The following VPS8 variants were observed in gnomAD, a reference collection of about 807,000 sequenced individuals.
VPS8 encodes the protein vacuolar protein sorting-associated protein 8 homolog.
In VPS8, 129 loss-of-function variants were observed where a neutral mutation model predicts 216.4. The ratio of observed to expected loss-of-function variants is 0.60; its 90% confidence interval spans 0.52 to 0.69. VPS8 has a LOEUF of 0.69. VPS8 is among the 30% of genes least tolerant of loss of function. VPS8 has a pLI of 0.00. For synonymous variants in VPS8, 571 were observed against 565.4 expected, an observed-to-expected ratio of 1.01 and a Z score of -0.14; for missense variants, 1,531 against 1,683.5, an observed-to-expected ratio of 0.91 and a Z score of 1.59.
At chr3:185,022,575 A>G (rs1561161626) in intron 45 of VPS8, among the ~76,000 whole-genome samples, 1 of 152,148 alleles carries the variant, frequency 6.6e-6, no homozygotes, top group Non-Finnish European at 1.5e-5. Context: ...TGTCAAGCTT[A>G]TTGGCATAAA....
At chr3:184,962,911 A>G (rs1746775032) in intron 37 of VPS8, among the ~76,000 whole-genome samples, 2 of 152,094 alleles carry the variant, frequency 1.3e-5, no homozygotes, top group Admixed American at 1.3e-4. Context: ...TATCTTCCAC[A>G]TGATGGCCAG....
rs977108033 is a variant in VPS8, at chr3:184,947,116, C to T, written c.3035+6873C>T. Among the ~76,000 whole-genome samples, 6 of 152,282 alleles carry T rather than the reference C, an allele frequency of 3.9e-5. No individual in the cohort carries two copies. In the East Asian group the frequency reaches 1.2e-3, roughly 29 times the overall value. ...GTGTGGAGAGATAGTAAAATCTGTTCCCAGATTCCGCTGGTACCTGCTGGT... is the reference window on the plus strand; with the variant it reads ...GTGTGGAGAGATAGTAAAATCTGTTTCCAGATTCCGCTGGTACCTGCTGGT... On this transcript the variant is annotated intron_variant, in intron 36 of 47. Coordinates refer to ENST00000625842, the MANE Select transcript of VPS8 (RefSeq NM_001009921.3).
intron 29 of VPS8, among the ~76,000 whole-genome samples, chr3:184,924,032 G>A (rs879370705): frequency 1.1e-4 from 16 of 152,148 alleles, no homozygotes; most frequent in Non-Finnish European, 2.2e-4. Context: ...GACACTTATA[G>A]CATCTTACAC....
Position 185,052,016 on chromosome 3 carries a change from T to G in VPS8, c.4278T>G (p.Thr1426=). 6.2e-7 allele frequency: 1 copy of G among 1,611,784 alleles called. No homozygotes were observed. Among genetic ancestry groups the G allele is most frequent in the South Asian group, 1.1e-5 (1 of 90,580 alleles). The change falls in exon 48 of 48, where the codon ACT becomes ACG. Residue 1426 remains threonine, a synonymous_variant. Transcript: ENST00000625842. The part of the protein sequence containing the change: ...FQLQLIPPPV[T]ED ...TGCAGCTCATTCCTCCACCTGTGAC[T>G]GAGGATTGATGACTCCATGGAGCCT... is the stretch of plus-strand genomic sequence containing the variant.
intron 21 of VPS8, among the ~76,000 whole-genome samples, chr3:184,879,568 C>T (rs1262012297): frequency 1.3e-5 from 2 of 152,124 alleles, no homozygotes; most frequent in East Asian, 3.9e-4. Flanking sequence ...AAGAGAAGGA[C>T]TTGTTCTTTC....
intron 22 of VPS8, among the ~76,000 whole-genome samples, chr3:184,893,679 A>G (rs1732799454): frequency 6.6e-6 from 1 of 152,232 alleles, no homozygotes; most frequent in African/African-American, 2.4e-5. Flanking sequence ...CAAGTGCCAC[A>G]GATTTTTTCA....
chr3:184,975,347 A>T (rs1280230713), intron 40 of VPS8, among the ~76,000 whole-genome samples: 1 of 151,328 alleles, frequency 6.6e-6, no homozygotes, highest in Non-Finnish European at 1.5e-5. Flanking sequence ...TCTTTTTCAG[A>T]TAGTTTGTTA....
At chr3:184,990,902 A>C (rs1751811169) in intron 42 of VPS8, among the ~76,000 whole-genome samples, 1 of 144,094 alleles carries the variant, frequency 6.9e-6, no homozygotes, top group Non-Finnish European at 1.5e-5. Flanking sequence ...ATTCAGACTG[A>C]TGCCTGGGAC....
chr3:184,825,750 A>C (rs75652746), intron 2 of VPS8, among the ~76,000 whole-genome samples: 13 of 152,146 alleles, frequency 8.5e-5, no homozygotes, highest in African/African-American at 2.9e-4. Flanking sequence ...AAAATACAAA[A>C]AAGATTAGCT....
intron 38 of VPS8, 136 bp from the exon 39 acceptor site, chr3:184,966,535 G>A: frequency 2.1e-6 from 1 of 470,500 alleles, no homozygotes; most frequent in Non-Finnish European, 3.7e-6. Context: ...GTTTACTTCT[G>A]ACTGACACTA....
At chr3:184,930,085 A>G (rs1405522137) in intron 33 of VPS8, among the ~76,000 whole-genome samples, 3 of 152,182 alleles carry the variant, frequency 2.0e-5, no homozygotes, top group Non-Finnish European at 2.9e-5. Flanking sequence ...TGACATGTTC[A>G]AGGAGCTGAG....
Position 184,839,695 on chromosome 3 carries a change from C to A in VPS8, c.481-3C>A. ...AAAACGTAATCTTCCCTTTTGTTTT[C>A]AGGCAGTATCCAGTCTGATAGCAGT... On this transcript the variant is annotated splice_region_variant and splice_polypyrimidine_tract_variant and intron_variant, in intron 6 of 47. Transcript: ENST00000625842. 1 of 1,602,224 alleles carries A rather than the reference C, an allele frequency of 6.2e-7. No homozygotes were observed. The highest frequency in any genetic ancestry group is 8.5e-7 in the Non-Finnish European group (1 of 1,173,900).
intron 16 of VPS8, among the ~76,000 whole-genome samples, chr3:184,864,988 G>A (rs1727069725): frequency 6.6e-6 from 1 of 152,162 alleles, no homozygotes; most frequent in Non-Finnish European, 1.5e-5. Flanking sequence ...TATTTGAAAA[G>A]ATGCACATCA....
chr3:184,852,543 G>C lies in VPS8; in HGVS notation c.797G>C (p.Gly266Ala), dbSNP rs553633908. 6.2e-7 allele frequency: 1 copy of C among 1,613,616 alleles called. No homozygotes were observed. The highest frequency in any genetic ancestry group is 2.2e-5 in the East Asian group (1 of 44,862). ...PTLAICNDSGGSVFELTFKRV... is the reference protein window; with the variant it reads ...PTLAICNDSGASVFELTFKRV... ...CTTGCAATTTGCAACGACAGCGGAG[G>C]CTCTGTTTTTGAATTGACATTTAAG... The change falls in exon 11 of 48, where the codon GGC becomes GCC. Residue 266 changes from glycine to alanine, a missense_variant. By Grantham distance (60) the Gly-to-Ala change is moderately conservative. Around this residue, in one of 3 missense-constraint regions of VPS8, gnomAD observed 1,318 missense variants for 1,468.4 expected, o/e 0.90. Coordinates refer to ENST00000625842, the MANE Select transcript of VPS8 (RefSeq NM_001009921.3).
intron 3 of VPS8, among the ~76,000 whole-genome samples, chr3:184,831,821 T>C (rs1290942016): frequency 6.6e-6 from 1 of 152,232 alleles, no homozygotes; most frequent in Non-Finnish European, 1.5e-5. Flanking sequence ...CGTTTTTCCT[T>C]GATAGTGCAA....
chr3:184,852,557 T>C lies in VPS8; in HGVS notation c.811T>C (p.Leu271=), dbSNP rs764627867. 7 of 1,613,482 alleles carry C rather than the reference T, an allele frequency of 4.3e-6. No individual in the cohort carries two copies. The highest frequency in any genetic ancestry group is 2.7e-5 in the African/African-American group (2 of 74,920). The change falls in exon 11 of 48, where the codon TTG becomes CTG. Residue 271 remains leucine (L), a synonymous_variant. Transcript: ENST00000625842. The part of the protein sequence containing the change: ...CNDSGGSVFE[L]TFKRVMGVRT... The stretch of plus-strand genomic sequence containing the variant: ...CGACAGCGGAGGCTCTGTTTTTGAA[T>C]TGACATTTAAGTAAGAGACTAGTGG...
At chr3:184,848,998 A>C in intron 8 of VPS8, 73 bp from the exon 9 acceptor site, 1 of 1,542,678 alleles carries the variant, frequency 6.5e-7, no homozygotes, top group Non-Finnish European at 8.9e-7. Context: ...CAAGTCTTTG[A>C]AAGCATGCCT....
At chr3:184,896,484 A>G (rs545025030) in intron 23 of VPS8, among the ~76,000 whole-genome samples, 1 of 152,196 alleles carries the variant, frequency 6.6e-6, no homozygotes, top group South Asian at 2.1e-4. Context: ...AGTCACAGCT[A>G]GATTTCTTGA....
intron 17 of VPS8, among the ~76,000 whole-genome samples, 191 bp from the exon 18 acceptor site, chr3:184,867,833 G>A (rs1435505828): frequency 3.3e-5 from 5 of 152,082 alleles, no homozygotes; most frequent in East Asian, 1.9e-4. Context: ...GCAACAGAGC[G>A]AGACTCTGTC....
Sources: allele counts gnomAD v4.1 joint callset (sites outside exome capture counted in the v4.1 genomes callset), GRCh38; gene constraint gnomAD v4.1.1; regional missense constraint gnomAD v4.1.1; transcripts MANE v1.5; gene names NCBI Gene and HGNC (gene_info 2026-07-23, HGNC 2026-07-21).